SASS6: variants seen among roughly 807,000 people sequenced by gnomAD.
SASS6 encodes SAS-6 centriolar assembly protein, also known as spindle assembly abnormal protein 6 homolog.
Under a neutral mutation model 94.9 loss-of-function variants are expected in SASS6, and 59 were observed. That is an observed-to-expected ratio of 0.62 (90% CI 0.50 to 0.77). SASS6 has a LOEUF of 0.77. SASS6 is among the 30% of genes least tolerant of loss of function. The pLI, the probability that SASS6 is intolerant of heterozygous loss-of-function variation, is 0.00. For synonymous variants in SASS6, 264 were observed against 270.0 expected (o/e 0.98, Z 0.22); for missense variants, 698 against 734.1 (o/e 0.95, Z 0.57).
At chr1:100,122,889 T>A (rs1393586307) in intron 3 of SASS6, among the ~76,000 whole-genome samples, 2 of 152,096 alleles carry the variant, frequency 1.3e-5, no homozygotes, top group Non-Finnish European at 2.9e-5. Flanking sequence ...CCTGAAGGAT[T>A]CTTTTTTCAA....
At position 100,086,139 on chromosome 1, in the gene SASS6, T is replaced by C. The variant is rs75200586; in HGVS notation, c.1773-509A>G. ...GGGAGAAAGAAGGGCATTTCTGTGT[T>C]TCCCCTTTCTACCACTGCCATCCTT... On this transcript the variant is annotated intron_variant, in intron 15 of 16. Transcript: ENST00000287482. Among the ~76,000 whole-genome samples the C allele has an allele frequency of 3.0e-3, 432 of 144,928 alleles. 12 individuals are homozygous for C. Among genetic ancestry groups the C allele is most frequent in the East Asian group, 0.024 (124 of 5,180 alleles).
chr1:100,115,603 G>T (rs542949682), intron 7 of SASS6, among the ~76,000 whole-genome samples: 41 of 152,248 alleles, frequency 2.7e-4, no homozygotes, highest in Admixed American at 5.2e-4. Context: ...CAAGGAAGGA[G>T]GATCACTTGA....
intron 13 of SASS6, among the ~76,000 whole-genome samples, chr1:100,104,018 G>A (rs1489711798): frequency 6.6e-6 from 1 of 152,192 alleles, no homozygotes; most frequent in Non-Finnish European, 1.5e-5. Context: ...TTAGGCACAT[G>A]TTAGGTGATT....
intron 4 of SASS6, among the ~76,000 whole-genome samples, chr1:100,121,966 C>T (rs1654232767): frequency 6.6e-6 from 1 of 152,104 alleles, no homozygotes; most frequent in East Asian, 1.9e-4. Context: ...TATACAGAAG[C>T]ATCATTTTGT....
In SASS6 at chr1:100,123,271, T is replaced by A. The variant is rs1184105193; in HGVS notation, c.145A>T (p.Thr49Ser). 6.5e-7 allele frequency: 1 copy of A among 1,549,920 alleles called. No homozygotes were observed. Among genetic ancestry groups the A allele is most frequent in the Admixed American group, 1.8e-5 (1 of 56,192 alleles). The change falls in exon 3 of 17, where the codon ACT becomes TCT. Residue 49 changes from threonine (T) to serine (S), a missense_variant. Thr to Ser is a moderately conservative substitution (Grantham distance 58, BLOSUM62 1). Coordinates refer to ENST00000287482, the MANE Select transcript of SASS6 (RefSeq NM_194292.3). ...AAAAAAAATGGATCCGTGTCATCAG[T>A]CAGACGAATAACTAAGTCCTAAAAG... ...VHRKDLVIRL[T>S]DDTDPFFLYN...
chr1:100,119,473 CAT>C (rs1414716753), intron 6 of SASS6, among the ~76,000 whole-genome samples: 1 of 152,166 alleles, frequency 6.6e-6, no homozygotes, highest in East Asian at 1.9e-4. Context: ...AACCCAGTAA[CAT>C]GGCCCTGTGG....
intron 14 of SASS6, among the ~76,000 whole-genome samples, chr1:100,090,388 ATAATAT>A (rs1337493356): frequency 4.6e-5 from 7 of 152,202 alleles, no homozygotes; most frequent in African/African-American, 7.2e-5. Context: ...GAGCCAGAAT[ATAATAT>A]TAATATCAAG....
chr1:100,124,337 T>C (rs1261364037), intron 2 of SASS6, among the ~76,000 whole-genome samples: 2 of 152,216 alleles, frequency 1.3e-5, no homozygotes, highest in Non-Finnish European at 2.9e-5. Context: ...TACTAGGTCC[T>C]TGAATGTGTT....
intron 14 of SASS6, among the ~76,000 whole-genome samples, chr1:100,093,780 GA>G (rs1261053767): frequency 2.7e-5 from 4 of 149,130 alleles, no homozygotes; most frequent in South Asian, 4.2e-4. Context: ...AAAAGAAAAA[GA>G]AAAAAAAATA....
At position 100,111,573 on chromosome 1, in the gene SASS6, T is replaced by C. The variant is rs1653332195; in HGVS notation, c.670-1090A>G. Among the ~76,000 whole-genome samples the C allele has an allele frequency of 2.6e-5, 4 of 152,070 alleles. 1 individual carries two copies. In the South Asian group the frequency reaches 8.3e-4, roughly 31 times the overall value. On this transcript the variant is annotated intron_variant, in intron 7 of 16. Coordinates refer to ENST00000287482, the MANE Select transcript of SASS6 (RefSeq NM_194292.3). ...TTATGATCAATTATAGAATAAAGAA[T>C]ATAAACAAATATAAAGCTTGATGCA...
rs1421579400 is a variant in SASS6, at chr1:100,084,394, T to G, written c.*934A>C. ...TCTAGGTGAATTTTAAAAAAATTTT[T>G]CCCCAAGGAACAATTCTTAAAACTT... On this transcript the variant is annotated 3_prime_UTR_variant, in exon 17 of 17. Transcript: ENST00000287482. 1 of 152,036 alleles carries G rather than the reference T, an allele frequency of 6.6e-6. No homozygotes were observed. Among genetic ancestry groups the G allele is most frequent in the Non-Finnish European group, 1.5e-5 (1 of 67,936 alleles). The allele number at this position is 152,036 out of a possible 1,614,324, so 9.4% of individuals were successfully genotyped here. A position where few individuals can be genotyped will look rare whatever the true frequency, so the allele number is the denominator to read the frequency against.
chr1:100,094,241 C>T (rs190551551), intron 14 of SASS6, among the ~76,000 whole-genome samples: 73 of 152,158 alleles, frequency 4.8e-4, no homozygotes, highest in Admixed American at 9.2e-4. Context: ...CACAAACTAT[C>T]GAAACTGGCC....
chr1:100,126,637 C>T (rs977336137), intron 1 of SASS6, among the ~76,000 whole-genome samples: 2 of 152,054 alleles, frequency 1.3e-5, no homozygotes, highest in Non-Finnish European at 2.9e-5. Context: ...ACAAGCCAGG[C>T]GTGGTGGCAC....
intron 14 of SASS6, among the ~76,000 whole-genome samples, chr1:100,094,446 TCA>T (rs1651973054): frequency 6.6e-6 from 1 of 152,238 alleles, no homozygotes; most frequent in South Asian, 2.1e-4. Context: ...AGTTTCCTGT[TCA>T]TTTTATGAGG....
rs1458957615 is a variant in SASS6 at position 100,107,506 on chromosome 1, C to A, written c.1194G>T (p.Met398Ile). 6.2e-7 allele frequency: 1 copy of A among 1,608,068 alleles called. No individual in the cohort carries two copies. Among genetic ancestry groups the A allele is most frequent in the Admixed American group, 1.7e-5 (1 of 59,610 alleles). Reference protein sequence around the residue: ...KKLQGDLKTLMGKLKLKNTVT... With the variant: ...KKLQGDLKTLIGKLKLKNTVT... ...CTGTATTCTTCAATTTCAACTTACC[C>A]ATTAAAGTTTTCAGATCCCCTTGTA... Residue 398 changes from methionine to isoleucine, a missense_variant, in exon 11 of 17, where the codon ATG (methionine) becomes ATT (isoleucine). Transcript: ENST00000287482.
chr1:100,107,977 G>A lies in SASS6; in HGVS notation c.889C>T (p.Leu297Phe), dbSNP rs1653038427. The A allele has an allele frequency of 6.2e-7, 1 of 1,611,012 alleles. No individual in the cohort carries two copies. The highest frequency in any genetic ancestry group is 1.3e-5 in the African/African-American group (1 of 74,802). Reference protein sequence around the residue: ...EELQRTKQEVLSLRRENSTLD... With the variant: ...EELQRTKQEVFSLRRENSTLD... ...GTAGAATTCTCTCTTCGCAAAGAGA[G>A]GACTTCTTGCTTAGTCCGCTGTAGC... Residue 297 changes from leucine (L) to phenylalanine (F), a missense_variant, in exon 9 of 17, where the codon CTC becomes TTC. Coordinates refer to ENST00000287482, the MANE Select transcript of SASS6 (RefSeq NM_194292.3).
At chr1:100,124,324 T>C (rs1654410499) in intron 2 of SASS6, among the ~76,000 whole-genome samples, 1 of 152,200 alleles carries the variant, frequency 6.6e-6, no homozygotes, top group Admixed American at 6.5e-5. Context: ...GTACTATTAA[T>C]ACTACTAGGT....
chr1:100,098,753 A>G (rs1652265601), intron 14 of SASS6, among the ~76,000 whole-genome samples: 1 of 152,234 alleles, frequency 6.6e-6, no homozygotes, highest in African/African-American at 2.4e-5. Flanking sequence ...GTCATTAAAA[A>G]GAAACAAAAA....
Position 100,125,958 on chromosome 1 carries a change from T to C in SASS6, c.66-16A>G, listed in dbSNP as rs1424191226. 5.8e-6 allele frequency: 8 copies of C among 1,368,664 alleles called. No individual in the cohort carries two copies. Among genetic ancestry groups the C allele is most frequent in the Admixed American group, 2.2e-5 (1 of 45,752 alleles). The allele number at this position is 1,368,664 out of a possible 1,614,324, so 84.8% of individuals were successfully genotyped here. ...ACTTACTCTCCTGTAGGAAAAGACATACCCAACCATCAGAAACATTCACAC... is the reference window on the plus strand; with the variant it reads ...ACTTACTCTCCTGTAGGAAAAGACACACCCAACCATCAGAAACATTCACAC... On this transcript the variant is annotated splice_polypyrimidine_tract_variant and intron_variant, in intron 1 of 16. Transcript: ENST00000287482.
Sources: gnomAD v4.1 joint callset for allele counts (sites outside exome capture counted in the v4.1 genomes callset) on GRCh38, gnomAD v4.1.1 for gene constraint, MANE v1.5 for transcripts, NCBI Gene and HGNC (gene_info 2026-07-23, HGNC 2026-07-21) for gene names.